The following UNC13A variants were observed in gnomAD, a reference collection of about 807,000 sequenced individuals.
UNC13A encodes protein unc-13 homolog A.
UNC13A carries 61 observed loss-of-function variants against 219.7 expected under a neutral mutation model. The ratio of observed to expected loss-of-function variants is 0.28; its 90% CI spans 0.23 to 0.34. The LOEUF (loss-of-function observed/expected upper bound fraction) is 0.34. Ranked by LOEUF, UNC13A falls within the 10% of genes least tolerant of loss-of-function variation. UNC13A has a pLI of 1.00. For synonymous variants in UNC13A, 920 were observed against 884.6 expected (o/e 1.04, Z -0.71); for missense variants, 1,476 against 2,270.3 (o/e 0.65, Z 7.11).
At chr19:17,669,757 TC>T in intron 4 of UNC13A, 81 bp from the exon 5 acceptor site, 3 of 1,482,170 alleles carry the variant, frequency 2.0e-6, no homozygotes, top group Non-Finnish European at 2.7e-6. Flanking sequence ...GCATGAGACA[TC>T]CCCCTCACCC....
At chr19:17,630,861 T>G in intron 28 of UNC13A, 111 bp from the exon 29 acceptor site, 1 of 921,786 alleles carries the variant, frequency 1.1e-6, no homozygotes, top group Non-Finnish European at 1.6e-6. Context: ...CTGCTCTGCC[T>G]GGAGCTCTCC....
At position 17,630,298 on chromosome 19, in the gene UNC13A, G is replaced by T; in HGVS notation, c.3526-10C>A. On this transcript the variant is annotated splice_polypyrimidine_tract_variant and intron_variant, in intron 29 of 43. Transcript: ENST00000519716. ...CTGAGGTCTGCTGGAACTGCAGGGGGAAGGAGGCCAAGAGGAAGGAGGAGA... is the reference window on the plus strand; with the variant it reads ...CTGAGGTCTGCTGGAACTGCAGGGGTAAGGAGGCCAAGAGGAAGGAGGAGA... 6.4e-7 allele frequency: 1 copy of T among 1,560,646 alleles called. No individual in the cohort carries two copies. The highest frequency in any genetic ancestry group is 1.7e-4 in the Middle Eastern group (1 of 5,954).
intron 34 of UNC13A, among the ~76,000 whole-genome samples, chr19:17,625,581 C>T (rs1224276620): frequency 1.3e-5 from 2 of 151,944 alleles, no homozygotes; most frequent in Non-Finnish European, 2.9e-5. Flanking sequence ...ATCCTTCTAC[C>T]CATCCATCCA....
chr19:17,687,389 T>C (rs548633746), intron 1 of UNC13A, among the ~76,000 whole-genome samples: 3 of 152,228 alleles, frequency 2.0e-5, no homozygotes, highest in South Asian at 2.1e-4. Context: ...CCAGGAGACA[T>C]TGCTCTTCCA....
intron 5 of UNC13A, among the ~76,000 whole-genome samples, chr19:17,669,019 C>G (rs2079723018): frequency 6.6e-6 from 1 of 152,154 alleles, no homozygotes; most frequent in African/African-American, 2.4e-5. Flanking sequence ...TGGTCTCAAA[C>G]TCCTGGCCTC....
In UNC13A at chr19:17,611,831, C is replaced by T; in HGVS notation, c.4583G>A (p.Gly1528Asp). ...CAGCTCAACATGGACAGAGACTTCACCCACAGGGTCTTCTACACCCAAGCC... is the reference window on the plus strand; with the variant it reads ...CAGCTCAACATGGACAGAGACTTCATCCACAGGGTCTTCTACACCCAAGCC... ...AQGLGVEDPV[G>D]EVSVHVELFT... is the part of the protein sequence containing the mutation. Residue 1528 changes from glycine (G) to aspartate (D), a missense_variant, in exon 42 of 44, where the codon GGT (glycine) becomes GAT (aspartate). This residue lies in a region of UNC13A where 77 missense variants were observed against 94.8 expected (regional missense o/e 0.81). Coordinates refer to ENST00000519716, the MANE Select transcript of UNC13A (RefSeq NM_001080421.3). The T allele has an allele frequency of 6.2e-7, 1 of 1,614,118 alleles. No homozygotes were observed. Among genetic ancestry groups the T allele is most frequent in the Non-Finnish European group, 8.5e-7 (1 of 1,179,952 alleles).
intron 41 of UNC13A, 84 bp from the exon 42 acceptor site, chr19:17,611,939 C>CCACA (rs2076608692): frequency 8.1e-7 from 1 of 1,237,036 alleles, no homozygotes; most frequent in Non-Finnish European, 1.2e-6. Context: ...TCCCACCCAC[C>CCACA]TGTGCTGGCG....
At chr19:17,685,448 C>A (rs1662281498) in intron 1 of UNC13A, among the ~76,000 whole-genome samples, 1 of 152,158 alleles carries the variant, frequency 6.6e-6, no homozygotes, top group African/African-American at 2.4e-5. Context: ...CCACCTTGGC[C>A]TCCCAAAGTC....
intron 6 of UNC13A, 124 bp from the exon 7 acceptor site, chr19:17,666,828 T>TA: frequency 3.8e-6 from 2 of 530,740 alleles, no homozygotes; most frequent in Non-Finnish European, 3.0e-6. Flanking sequence ...TCCCTCTCTA[T>TA]GAGAAGGATA....
chr19:17,680,565 CAGG>C (rs1568275677), intron 1 of UNC13A, among the ~76,000 whole-genome samples: 1 of 152,092 alleles, frequency 6.6e-6, no homozygotes, highest in Non-Finnish European at 1.5e-5. Flanking sequence ...GAGGCTGAGG[CAGG>C]AGTTCAGGCT....
At chr19:17,667,695 G>A (rs185573734) in intron 6 of UNC13A, among the ~76,000 whole-genome samples, 15 of 150,988 alleles carry the variant, frequency 9.9e-5, no homozygotes, top group African/African-American at 3.7e-4. Context: ...GGCTGGTCTC[G>A]AACTCCTGGC....
Position 17,688,330 on chromosome 19 carries a change from G to A in UNC13A, c.-131C>T. On this transcript the variant is annotated 5_prime_UTR_variant, in exon 1 of 44. Transcript: ENST00000519716. ...TCACGCCGGGGCCCGGCCGCCACCG[G>A]CCATCTTGGTTCAGCACCGGGGGCG... 1.5e-6 allele frequency: 2 copies of A among 1,318,150 alleles called. No homozygotes were observed. The highest frequency in any genetic ancestry group is 1.9e-6 in the Non-Finnish European group (2 of 1,033,944). 81.7% of individuals were successfully genotyped at this position (1,318,150 alleles called of 1,614,324 possible).
At chr19:17,612,247 C>T (rs1338819546) in intron 41 of UNC13A, 2 of 165,832 alleles carry the variant, frequency 1.2e-5, no homozygotes, top group Admixed American at 6.3e-5. Flanking sequence ...CGATTCTCAT[C>T]CTACATAGTT....
At chr19:17,609,124 A>T (rs977886777) in intron 43 of UNC13A, among the ~76,000 whole-genome samples, 56 of 128,370 alleles carry the variant, frequency 4.4e-4, no homozygotes, top group Non-Finnish European at 5.7e-4. Flanking sequence ...CACCCGGCTA[A>T]TTTTTTTTTT....
At chr19:17,644,909 C>T (rs1027803192) in intron 19 of UNC13A, among the ~76,000 whole-genome samples, 2 of 151,804 alleles carry the variant, frequency 1.3e-5, no homozygotes, top group African/African-American at 4.8e-5. Flanking sequence ...CCAGGCTGGT[C>T]TTGAACTCCT....
rs111975296 is a variant in UNC13A at position 17,634,111 on chromosome 19, G to T, written c.3216-918C>A. ...CAACTGTCCATCCAGCCACCTACCC[G>T]TCTATCTGTTCATCCATCCATCCGT... On this transcript the variant is annotated intron_variant, in intron 26 of 43. Coordinates refer to ENST00000519716, the MANE Select transcript of UNC13A (RefSeq NM_001080421.3). Among the ~76,000 whole-genome samples the T allele has an allele frequency of 3.3e-5, 5 of 151,478 alleles. No homozygotes were observed. In the East Asian group the frequency reaches 9.7e-4, roughly 29 times the overall value.
intron 37 of UNC13A, among the ~76,000 whole-genome samples, chr19:17,621,539 C>G (rs2076729930): frequency 6.6e-6 from 1 of 152,116 alleles, no homozygotes; most frequent in Middle Eastern, 3.4e-3. Context: ...CAAGAAGGCA[C>G]AGAATTTCAG....
intron 41 of UNC13A, 40 bp downstream of exon 41, chr19:17,617,662 C>T (rs202083914): frequency 1.8e-5 from 29 of 1,602,710 alleles, no homozygotes; most frequent in Admixed American, 1.7e-5. Context: ...GGGCTGTCTC[C>T]GCGGAGCGGG....
intron 34 of UNC13A, 47 bp from the exon 35 acceptor site, chr19:17,624,999 C>T (rs1032334541): frequency 1.3e-6 from 2 of 1,590,444 alleles, no homozygotes; most frequent in African/African-American, 2.7e-5. Flanking sequence ...TCGCCCCCAC[C>T]CACAGATCAC....
Sources: allele counts gnomAD v4.1 joint callset (sites outside exome capture counted in the v4.1 genomes callset), GRCh38; gene constraint gnomAD v4.1.1; regional missense constraint gnomAD v4.1.1; transcripts MANE v1.5; gene names NCBI Gene and HGNC (gene_info 2026-07-23, HGNC 2026-07-21).